The following RPS6KA2 variants were observed in gnomAD, a reference collection of about 807,000 sequenced individuals.
RPS6KA2 encodes ribosomal protein S6 kinase A2.
In RPS6KA2, 42 loss-of-function variants were observed where a neutral mutation model predicts 91.8. The ratio of observed to expected loss-of-function variants is 0.46; its 90% CI spans 0.36 to 0.59. RPS6KA2 has a LOEUF of 0.59. RPS6KA2 is among the 20% of genes least tolerant of loss of function. The pLI, the probability that RPS6KA2 is intolerant of heterozygous loss-of-function variation, is 0.00. For synonymous variants in RPS6KA2, 414 were observed against 393.6 expected, an observed-to-expected ratio of 1.05 and a Z score of -0.61; for missense variants, 798 against 978.5, an observed-to-expected ratio of 0.82 and a Z score of 2.46.
chr6:166,779,534 G>C (rs755393683), intron 2 of RPS6KA2, among the ~76,000 whole-genome samples: 1 of 152,186 alleles, frequency 6.6e-6, no homozygotes, highest in Non-Finnish European at 1.5e-5. Context: ...GAATAGGGGA[G>C]AGCCCAGGGC....
rs1780179623 is a variant in RPS6KA2, at chr6:166,831,432, C to A, written c.123+26768G>T. ...CCTTCAACCACTCTGTGTATTTCTA[C>A]ACCAGCATGACACCTTCCCCCCTGC... On this transcript the variant is annotated intron_variant, in intron 2 of 21. Coordinates refer to the RPS6KA2 transcript ENST00000503859. Among the ~76,000 whole-genome samples the A allele has an allele frequency of 2.0e-5, 3 of 152,192 alleles. No individual in the cohort carries two copies. In the South Asian group the frequency reaches 6.2e-4, roughly 32 times the overall value.
chr6:166,418,011 C>A lies in RPS6KA2; in HGVS notation c.1938+214G>T, dbSNP rs112536545. Among the ~76,000 whole-genome samples, 437 of 152,034 alleles carry A rather than the reference C, an allele frequency of 2.9e-3. 2 individuals carry two copies. Among genetic ancestry groups the A allele is most frequent in the Middle Eastern group, 6.8e-3 (2 of 294 alleles). ...GCTGAGACAGGAGAATTACTTGAAC[C>A]CAGGAGGCAGAGGCTGCAGTGAGCC... is the stretch of plus-strand genomic sequence containing the variant. On this transcript the variant is annotated intron_variant, in intron 19 of 20. Coordinates refer to ENST00000265678, the MANE Select transcript of RPS6KA2 (RefSeq NM_021135.6). The surrounding 1 kb of genome is among the most constrained non-coding windows in gnomAD (Gnocchi z 4.9).
intron 1 of RPS6KA2, among the ~76,000 whole-genome samples, chr6:166,617,857 C>A (rs1000707630): frequency 4.6e-5 from 7 of 152,248 alleles, no homozygotes; most frequent in Non-Finnish European, 8.8e-5. Flanking sequence ...CCAAGTCCAG[C>A]CTGCGGCACC....
At position 166,635,768 on chromosome 6, in the gene RPS6KA2, G is replaced by A. The variant is rs939264216; in HGVS notation, c.124-96984C>T. ...AACTCTGAGCCTGCCCACCTACTGC[G>A]CTCACCCCAGGACAAGCCACCATCC... On this transcript the variant is annotated intron_variant, in intron 2 of 21. Coordinates refer to the RPS6KA2 transcript ENST00000503859. This position sits in a 1 kb window ranked among gnomAD's most constrained non-coding sequence, Gnocchi z 4.8. Among the ~76,000 whole-genome samples the A allele has an allele frequency of 7.2e-5, 11 of 152,052 alleles. No individual in the cohort carries two copies. The highest frequency in any genetic ancestry group is 1.9e-4 in the African/African-American group (8 of 41,386).
intron 11 of RPS6KA2, among the ~76,000 whole-genome samples, chr6:166,468,932 A>G (rs1455318627): frequency 6.6e-6 from 1 of 152,152 alleles, no homozygotes; most frequent in Non-Finnish European, 1.5e-5. Flanking sequence ...GGGCATTTAA[A>G]TCTTAAAAAG....
intron 2 of RPS6KA2, among the ~76,000 whole-genome samples, chr6:166,844,404 A>G (rs1018679102): frequency 6.6e-6 from 1 of 152,228 alleles, no homozygotes; most frequent in Non-Finnish European, 1.5e-5. Context: ...ACATTCAAAT[A>G]CAAGAAGCTC....
At chr6:166,551,980 G>A (rs954110313) in intron 1 of RPS6KA2, among the ~76,000 whole-genome samples, 3 of 152,166 alleles carry the variant, frequency 2.0e-5, no homozygotes, top group Admixed American at 6.5e-5. Context: ...CTTGCAGACC[G>A]CCTTCCGACA....
At chr6:166,414,589 C>CTGA (rs1216388615) in intron 19 of RPS6KA2, among the ~76,000 whole-genome samples, 2 of 152,232 alleles carry the variant, frequency 1.3e-5, no homozygotes, top group Admixed American at 1.3e-4. Flanking sequence ...GCGGACAAAC[C>CTGA]TGATGCTTCT....
intron 2 of RPS6KA2, among the ~76,000 whole-genome samples, chr6:166,815,010 C>T (rs977585367): frequency 6.6e-6 from 1 of 152,214 alleles, no homozygotes; most frequent in South Asian, 2.1e-4. Flanking sequence ...CAAAATTTGT[C>T]CCTGGTGCCA....
chr6:166,550,994 C>CAAAAAAAA (rs58796308), intron 1 of RPS6KA2, among the ~76,000 whole-genome samples: 35 of 106,332 alleles, frequency 3.3e-4, no homozygotes, highest in East Asian at 6.4e-4. Flanking sequence ...GACTCTATCT[C>CAAAAAAAA]AAAAAAAAAA....
chr6:166,750,358 C>G (rs371942413), intron 2 of RPS6KA2, among the ~76,000 whole-genome samples: 1 of 152,096 alleles, frequency 6.6e-6, no homozygotes, highest in Admixed American at 6.5e-5. Context: ...TTGGAGGCCC[C>G]GAGTCACCCC....
Position 166,626,855 on chromosome 6 carries a change from C to G in RPS6KA2, c.99+66G>C. 1 of 1,299,262 alleles carries G rather than the reference C, an allele frequency of 7.7e-7. No homozygotes were observed. 80.5% of individuals were successfully genotyped at this position (1,299,262 alleles called of 1,614,324 possible). A position where few individuals can be genotyped will look rare whatever the true frequency, so the allele number is the denominator to read the frequency against. ...CGGGGTCCACCCAGGGGTGGCGAGG[C>G]GGGCTCGGGCGACCACGGCCCGCTC... On this transcript the variant is annotated intron_variant, in intron 1 of 20. Transcript: ENST00000265678. This position sits in a 1 kb window ranked among gnomAD's most constrained non-coding sequence, Gnocchi z 4.1.
chr6:166,792,892 A>G, intron 2 of RPS6KA2, among the ~76,000 whole-genome samples: 1 of 144,882 alleles, frequency 6.9e-6, no homozygotes, highest in Non-Finnish European at 1.5e-5. Context: ...ACCCACAGCC[A>G]ATATCATACT....
At chr6:166,605,290 G>A (rs1340476844) in intron 1 of RPS6KA2, among the ~76,000 whole-genome samples, 3 of 152,186 alleles carry the variant, frequency 2.0e-5, no homozygotes, top group Non-Finnish European at 4.4e-5. Context: ...AAGTCTTACA[G>A]CATTTACAAT....
chr6:166,793,090 G>T (rs1321759890), intron 2 of RPS6KA2, among the ~76,000 whole-genome samples: 4 of 152,168 alleles, frequency 2.6e-5, no homozygotes, highest in African/African-American at 9.6e-5. Flanking sequence ...TGACATGATT[G>T]TATATCTAGA....
intron 16 of RPS6KA2, among the ~76,000 whole-genome samples, chr6:166,424,651 G>A (rs1257615624): frequency 4.6e-5 from 7 of 152,150 alleles, no homozygotes; most frequent in African/African-American, 1.7e-4. Context: ...TGTGCCCCTC[G>A]CCTGCACAGT....
intron 1 of RPS6KA2, among the ~76,000 whole-genome samples, chr6:166,608,405 A>G (rs889933219): frequency 2.0e-5 from 3 of 152,200 alleles, no homozygotes; most frequent in Non-Finnish European, 4.4e-5. Context: ...TGCTACAAAA[A>G]TTAAAAATGC....
chr6:166,474,615 G>C (rs781594281), intron 10 of RPS6KA2, among the ~76,000 whole-genome samples: 45 of 96,644 alleles, frequency 4.7e-4, no homozygotes, highest in Non-Finnish European at 6.5e-4. Context: ...CTCCTGTCCT[G>C]GGGGGGAAGT....
At chr6:166,702,826 T>C (rs1330614221) in intron 2 of RPS6KA2, 16 of 1,032,026 alleles carry the variant, frequency 1.6e-5, no homozygotes, top group Admixed American at 5.5e-5. Flanking sequence ...GTTTCTGATA[T>C]ACGGTTTGTT....
Sources: gnomAD v4.1 joint callset for allele counts (sites outside exome capture counted in the v4.1 genomes callset) on GRCh38, gnomAD v4.1.1 for gene constraint, Gnocchi (gnomAD v3.1) non-coding constraint, MANE v1.5 for transcripts, NCBI Gene and HGNC (gene_info 2026-07-23, HGNC 2026-07-21) for gene names.